OLFM3: variants seen among roughly 807,000 people sequenced by gnomAD.
OLFM3 encodes noelin-3.
In OLFM3, 20 loss-of-function variants were observed where a neutral mutation model predicts 48.6. The ratio of observed to expected loss-of-function variants is 0.41; its 90% CI spans 0.29 to 0.60. OLFM3 has a LOEUF of 0.60. Ranked by LOEUF, OLFM3 falls within the 20% of genes least tolerant of loss-of-function variation. The pLI, the probability that OLFM3 is intolerant of heterozygous loss-of-function variation, is 0.28. For synonymous variants in OLFM3, 222 were observed against 198.1 expected (o/e 1.12, Z -1.01); for missense variants, 437 against 544.3 (o/e 0.80, Z 1.96).
At chr1:101,857,987 T>A (rs968061568) in intron 1 of OLFM3, among the ~76,000 whole-genome samples, 1 of 152,094 alleles carries the variant, frequency 6.6e-6, no homozygotes, top group Admixed American at 6.6e-5. Flanking sequence ...TGAAAATGCA[T>A]GTGTAGGTCA....
chr1:101,839,879 A>ACTACAGAG (rs1655624461), intron 1 of OLFM3, among the ~76,000 whole-genome samples: 1 of 152,236 alleles, frequency 6.6e-6, no homozygotes, highest in African/African-American at 2.4e-5. Context: ...GACCTTCTCT[A>ACTACAGAG]CTACAGAGTT....
intron 1 of OLFM3, among the ~76,000 whole-genome samples, chr1:101,993,327 C>T (rs560411515): frequency 6.6e-6 from 1 of 152,152 alleles, no homozygotes; most frequent in Admixed American, 6.5e-5. Context: ...AAGAAGTCCA[C>T]TCTTCTACCA....
chr1:101,841,742 C>T (rs780480846), intron 1 of OLFM3, among the ~76,000 whole-genome samples: 14 of 152,026 alleles, frequency 9.2e-5, no homozygotes, highest in African/African-American at 1.5e-4. Flanking sequence ...ATCAACTGAT[C>T]GAATATTGCT....
rs1363612225 is a variant in OLFM3, at chr1:101,803,862, C to T, written c.*376G>A. ...TACCAAAATATTTCCTGATATGGAGCAAAAGACAGTAAAAAATGACAGTTT... is the reference window on the plus strand; with the variant it reads ...TACCAAAATATTTCCTGATATGGAGTAAAAGACAGTAAAAAATGACAGTTT... On this transcript the variant is annotated 3_prime_UTR_variant, in exon 6 of 6. Transcript: ENST00000370103. 6.4e-6 allele frequency: 1 copy of T among 155,392 alleles called. No individual in the cohort carries two copies. The highest frequency in any genetic ancestry group is 6.5e-5 in the Admixed American group (1 of 15,268). The allele number at this position is 155,392 out of a possible 1,614,324, so 9.6% of individuals were successfully genotyped here.
intron 1 of OLFM3, among the ~76,000 whole-genome samples, chr1:101,849,027 G>C (rs952781149): frequency 6.6e-6 from 1 of 152,146 alleles, no homozygotes; most frequent in African/African-American, 2.4e-5. Flanking sequence ...AATGCTTCTT[G>C]TAATTTTCCA....
At chr1:101,967,413 A>T (rs951977818) in intron 1 of OLFM3, among the ~76,000 whole-genome samples, 1 of 152,086 alleles carries the variant, frequency 6.6e-6, no homozygotes. Context: ...AAAAAGTAAC[A>T]TAAAAAACAA....
At chr1:101,828,729 A>G (rs1655003725) in intron 3 of OLFM3, among the ~76,000 whole-genome samples, 2 of 152,092 alleles carry the variant, frequency 1.3e-5, no homozygotes, top group Admixed American at 6.5e-5. Flanking sequence ...TTCTCATTGC[A>G]TTGTCCATCT....
At chr1:101,912,169 C>T (rs1189349885) in intron 1 of OLFM3, among the ~76,000 whole-genome samples, 1 of 152,162 alleles carries the variant, frequency 6.6e-6, no homozygotes, top group African/African-American at 2.4e-5. Context: ...CTATCAATCA[C>T]ATGCCTTTTC....
intron 1 of OLFM3, among the ~76,000 whole-genome samples, chr1:101,965,451 G>T (rs546686035): frequency 6.6e-6 from 1 of 152,250 alleles, no homozygotes; most frequent in Admixed American, 6.5e-5. Context: ...AATGTCAGAG[G>T]TTTCAATATA....
intron 4 of OLFM3, among the ~76,000 whole-genome samples, chr1:101,811,496 A>C (rs1007453327): frequency 2.6e-5 from 4 of 152,172 alleles, no homozygotes; most frequent in Non-Finnish European, 5.9e-5. Flanking sequence ...TACAAGAAAA[A>C]ACAAACAACC....
intron 1 of OLFM3, among the ~76,000 whole-genome samples, chr1:101,891,522 TTTTG>T (rs1207570451): frequency 4.6e-5 from 7 of 151,804 alleles, no homozygotes. Context: ...AGAAGCATGG[TTTTG>T]TTTGTTTTCT....
intron 1 of OLFM3, among the ~76,000 whole-genome samples, chr1:101,987,763 C>G (rs1661288982): frequency 6.6e-6 from 1 of 152,066 alleles, no homozygotes; most frequent in South Asian, 2.1e-4. Context: ...TCATCTTCAA[C>G]TTAGTTGGAA....
intron 1 of OLFM3, among the ~76,000 whole-genome samples, chr1:101,971,822 A>G (rs12021860): frequency 0.25 from 37,682 of 151,990 alleles, 5,243 homozygotes; most frequent in Middle Eastern, 0.36. Flanking sequence ...TGAGAACTAA[A>G]GGAATCTTTT....
At position 101,837,010 on chromosome 1, in the gene OLFM3, T is replaced by G; in HGVS notation, c.85A>C (p.Lys29Gln). ...LDPSKTQISPKEGWQVYSSAQ... is the reference protein window; with the variant it reads ...LDPSKTQISPQEGWQVYSSAQ... ...GAGCTGTACACCTGCCACCCTTCTT[T>G]AGGACTAATCTGAGTCTGAGGAAAC... The change falls in exon 2 of 6, where the codon AAA (lysine) becomes CAA (glutamine). Residue 29 changes from lysine (K) to glutamine (Q), a missense_variant. Physicochemically the swap from Lys to Gln is moderately conservative, Grantham distance 53 (BLOSUM62 1). Around this residue, in one of 3 missense-constraint regions of OLFM3, gnomAD observed 314 missense variants for 365.5 expected, o/e 0.86. Transcript: ENST00000370103. 1 of 1,613,170 alleles carries G rather than the reference T, an allele frequency of 6.2e-7. No homozygotes were observed. The highest frequency in any genetic ancestry group is 1.7e-4 in the Middle Eastern group (1 of 6,056).
At chr1:101,918,135 A>G (rs963380088) in intron 1 of OLFM3, among the ~76,000 whole-genome samples, 2 of 152,224 alleles carry the variant, frequency 1.3e-5, no homozygotes, top group Non-Finnish European at 2.9e-5. Context: ...AACAACCACT[A>G]TAGGCAAGGT....
At chr1:101,846,716 CAT>C (rs1260700905) in intron 1 of OLFM3, 46 of 647,070 alleles carry the variant, frequency 7.1e-5, no homozygotes, top group South Asian at 6.8e-4. Context: ...AAAGTTACCA[CAT>C]AGTTACTACA....
intron 1 of OLFM3, among the ~76,000 whole-genome samples, chr1:101,888,353 A>G (rs145781891): frequency 0.014 from 2,115 of 152,268 alleles, 47 homozygotes; most frequent in African/African-American, 0.047. Flanking sequence ...TCACACATCT[A>G]CAACCATCTG....
intron 1 of OLFM3, among the ~76,000 whole-genome samples, chr1:101,918,273 C>T (rs11164334): frequency 0.43 from 65,851 of 151,948 alleles, 14,369 homozygotes; most frequent in East Asian, 0.59. Flanking sequence ...AGTTCTCTAT[C>T]GCTCCTGTAA....
chr1:101,884,928 A>G (rs1657687231), intron 1 of OLFM3, among the ~76,000 whole-genome samples: 1 of 152,064 alleles, frequency 6.6e-6, no homozygotes, highest in Non-Finnish European at 1.5e-5. Context: ...TGAGAAGGTC[A>G]TAAGAACCTA....
Sources: gnomAD v4.1 joint callset for allele counts (sites outside exome capture counted in the v4.1 genomes callset) on GRCh38, gnomAD v4.1.1 for gene constraint, gnomAD v4.1.1 regional missense constraint, MANE v1.5 for transcripts, NCBI Gene and HGNC (gene_info 2026-07-23, HGNC 2026-07-21) for gene names.